Variants in PPHLN1 observed in about 807,000 individuals in gnomAD.
PPHLN1 encodes periphilin 1.
A neutral mutation model predicts 51.3 loss-of-function variants in PPHLN1; 29 were observed. That is an observed-to-expected ratio of 0.57 (90% confidence interval 0.42 to 0.77). The LOEUF (loss-of-function observed/expected upper bound fraction) is 0.77, where lower values mean the gene tolerates loss of function less well. Among genes scored for constraint, PPHLN1 ranks in the 30% least tolerant of loss-of-function variants. The pLI, the probability that PPHLN1 is intolerant of heterozygous loss-of-function variation, is 0.00. For missense variants in PPHLN1, 436 were observed against 438.4 expected (o/e 0.99, Z 0.05); for synonymous variants, 147 against 147.8 (o/e 0.99, Z 0.04).
intron 5 of PPHLN1, among the ~76,000 whole-genome samples, chr12:42,382,973 CAAA>C (rs924613933): frequency 2.0e-5 from 3 of 151,400 alleles, no homozygotes; most frequent in Admixed American, 6.6e-5. Context: ...AAAAACAAAA[CAAA>C]AAAAACAAAC....
At chr12:42,391,928 A>G (rs1393096505) in intron 7 of PPHLN1, among the ~76,000 whole-genome samples, 1 of 152,200 alleles carries the variant, frequency 6.6e-6, no homozygotes, top group Non-Finnish European at 1.5e-5. Context: ...AGTTAAAAAA[A>G]TGTCTAAGCC....
At chr12:42,411,525 A>G (rs898841800) in intron 9 of PPHLN1, among the ~76,000 whole-genome samples, 5 of 152,186 alleles carry the variant, frequency 3.3e-5, no homozygotes, top group Admixed American at 6.5e-5. Context: ...AACAAAAGAA[A>G]CTGTTTTAAG....
rs184833490 is a variant in PPHLN1 at position 42,365,277 on chromosome 12, A to T, written c.300-9586A>T. On this transcript the variant is annotated intron_variant, in intron 4 of 9. Coordinates refer to ENST00000358314, the MANE Select transcript of PPHLN1 (RefSeq NM_201439.2). ...TCTCAAAATAATTCTTGAAATCGTA[A>T]TTCTTTTTGGAAGTCCCTATTGACT... 2.1e-3 allele frequency among the ~76,000 whole-genome samples: 315 copies of T among 152,316 alleles called. 1 individual carries two copies. Among genetic ancestry groups the T allele is most frequent in the Admixed American group, 6.2e-3 (95 of 15,306 alleles).
intron 4 of PPHLN1, among the ~76,000 whole-genome samples, chr12:42,356,600 G>C (rs1456828918): frequency 6.6e-6 from 1 of 152,162 alleles, no homozygotes; most frequent in African/African-American, 2.4e-5. Flanking sequence ...GGGACATTCA[G>C]AACCCATGGC....
At chr12:42,432,432 A>G in intron 9 of PPHLN1, 1 of 757,596 alleles carries the variant, frequency 1.3e-6, no homozygotes, top group Non-Finnish European at 2.5e-6. Context: ...ACAAATACAA[A>G]TGGAATCATA....
intron 4 of PPHLN1, among the ~76,000 whole-genome samples, chr12:42,367,635 T>C (rs1210422476): frequency 1.3e-5 from 2 of 152,234 alleles, no homozygotes; most frequent in African/African-American, 2.4e-5. Context: ...CTATCTTCCA[T>C]TGAATTATCT....
chr12:42,412,567 T>A (rs1302125454), intron 9 of PPHLN1, among the ~76,000 whole-genome samples: 2 of 152,206 alleles, frequency 1.3e-5, no homozygotes, highest in Non-Finnish European at 2.9e-5. Flanking sequence ...GGTGTCTTTT[T>A]AATTTTTTTT....
chr12:42,431,856 T>C (rs1181521792), intron 9 of PPHLN1: 2 of 1,578,174 alleles, frequency 1.3e-6, no homozygotes, highest in Non-Finnish European at 1.7e-6. Context: ...TTTCAATAAC[T>C]GAAGCTGTAT....
intron 2 of PPHLN1, among the ~76,000 whole-genome samples, chr12:42,339,862 A>G (rs535019333): frequency 1.9e-4 from 2 of 10,600 alleles, no homozygotes; most frequent in African/African-American, 2.1e-4. Flanking sequence ...AGTCACAGAT[A>G]CATCTGCTGT....
At chr12:42,380,926 C>T (rs3852595) in intron 5 of PPHLN1, among the ~76,000 whole-genome samples, 30,161 of 152,018 alleles carry the variant, frequency 0.2, 3,366 homozygotes, top group African/African-American at 0.3. Flanking sequence ...GTTTGCCAAG[C>T]GAGACAGATT....
intron 1 of PPHLN1, among the ~76,000 whole-genome samples, chr12:42,328,214 A>G (rs2069107344): frequency 6.6e-6 from 1 of 152,204 alleles, no homozygotes; most frequent in African/African-American, 2.4e-5. Context: ...TGGAAAATAA[A>G]CAGCTCCGTG....
intron 9 of PPHLN1, among the ~76,000 whole-genome samples, chr12:42,407,678 G>A (rs976651201): frequency 6.6e-6 from 1 of 152,102 alleles, no homozygotes; most frequent in Non-Finnish European, 1.5e-5. Flanking sequence ...TATGTAAAAT[G>A]GCCTTGTATT....
chr12:42,438,846 C>T (rs1469383569), intron 9 of PPHLN1, among the ~76,000 whole-genome samples: 1 of 152,208 alleles, frequency 6.6e-6, no homozygotes, highest in Non-Finnish European at 1.5e-5. Flanking sequence ...TCGTGATCCG[C>T]CTGCCTCAGC....
chr12:42,402,806 T>C (rs1592753375), intron 9 of PPHLN1, among the ~76,000 whole-genome samples: 2 of 152,230 alleles, frequency 1.3e-5, no homozygotes, highest in Non-Finnish European at 2.9e-5. Context: ...GAGCAGGTTT[T>C]CTTCCGTAGA....
chr12:42,431,784 G>T, intron 9 of PPHLN1: 1 of 1,084,672 alleles, frequency 9.2e-7, no homozygotes, highest in South Asian at 1.2e-5. Flanking sequence ...AGCACTAGTC[G>T]GGCTATTTAT....
chr12:42,446,117 GTTCGTCGGACGACACAGC>G (rs763278542), downstream of PPHLN1: 10 of 1,559,976 alleles, frequency 6.4e-6, no homozygotes, highest in East Asian at 2.4e-5. Flanking sequence ...GAAGAAACGG[GTTCGTCGGACGACACAGC>G]TTCGTCGGAC....
intron 4 of PPHLN1, chr12:42,374,581 C>G (rs1274964012): frequency 3.8e-6 from 1 of 266,046 alleles, no homozygotes; most frequent in Non-Finnish European, 7.2e-6. Context: ...CTGGGGACTA[C>G]AGGCACCTGC....
chr12:42,358,727 C>G (rs937482390), intron 4 of PPHLN1, among the ~76,000 whole-genome samples: 2 of 152,076 alleles, frequency 1.3e-5, no homozygotes, highest in Admixed American at 1.3e-4. Flanking sequence ...TTTTAATGGT[C>G]AAGTAATAGT....
At chr12:42,339,857 C>G (rs1271005745) in intron 2 of PPHLN1, among the ~76,000 whole-genome samples, 1 of 30,588 alleles carries the variant, frequency 3.3e-5, no homozygotes, top group African/African-American at 7.5e-5. Flanking sequence ...AACAAAGTCA[C>G]AGATACATCT....
Sources: gnomAD v4.1 joint callset for allele counts (sites outside exome capture counted in the v4.1 genomes callset) on GRCh38, gnomAD v4.1.1 for gene constraint, MANE v1.5 for transcripts, NCBI Gene and HGNC (gene_info 2026-07-23, HGNC 2026-07-21) for gene names.